The following ZNF469 variants were observed in gnomAD, a reference collection of about 807,000 sequenced individuals.
ZNF469 encodes zinc finger protein 469.
A neutral mutation model predicts 1.0 loss-of-function variants in ZNF469; 1 was observed. The observed-to-expected ratio is 1.00, with a 90% CI of 0.35 to 4.73. The LOEUF is 4.73. ZNF469 is among the 30% of genes most tolerant of loss of function. The pLI is 0.16. For synonymous variants in ZNF469, 2,703 were observed against 2,363.4 expected, an observed-to-expected ratio of 1.14 and a Z score of -4.17; for missense variants, 6,100 against 5,356.3, an observed-to-expected ratio of 1.14 and a Z score of -4.33.
At chr16:88,420,762 G>A (rs572887968) in intron 1 of ZNF469, among the ~76,000 whole-genome samples, 18 of 152,178 alleles carry the variant, frequency 1.2e-4, no homozygotes, top group Non-Finnish European at 2.5e-4. Flanking sequence ...TTAACCCTCT[G>A]ACCACACCCT....
intron 1 of ZNF469, among the ~76,000 whole-genome samples, chr16:88,411,936 A>T (rs1361368103): frequency 1.8e-3 from 1 of 558 alleles, no homozygotes; most frequent in East Asian, 0.12. Context: ...AAGAGACGAA[A>T]CCCTGATGTT....
the ZNF469 span, among the ~76,000 whole-genome samples, chr16:88,139,520 T>C: frequency 1.6e-5 from 2 of 123,862 alleles, no homozygotes; most frequent in African/African-American, 6.1e-5. Flanking sequence ...TTTTTGCCCC[T>C]TGGCCTGGGG....
chr16:88,303,585 G>T, the ZNF469 span, among the ~76,000 whole-genome samples: 1 of 152,240 alleles, frequency 6.6e-6, no homozygotes, highest in Non-Finnish European at 1.5e-5. Flanking sequence ...CCGCAGAGTT[G>T]GAGAAGCCCT....
chr16:88,145,424 G>C, the ZNF469 span, among the ~76,000 whole-genome samples: 5 of 152,162 alleles, frequency 3.3e-5, 1 homozygote, highest in Admixed American at 3.3e-4. Flanking sequence ...TCAAACTCAC[G>C]CATTGGAATC....
At chr16:88,313,102 C>T in the ZNF469 span, among the ~76,000 whole-genome samples, 1 of 152,184 alleles carries the variant, frequency 6.6e-6, no homozygotes, top group Admixed American at 6.5e-5. Context: ...TCCCTTGATT[C>T]GGGCATTTTG....
the ZNF469 span, among the ~76,000 whole-genome samples, chr16:88,267,642 C>G: frequency 6.6e-6 from 1 of 151,920 alleles, no homozygotes; most frequent in African/African-American, 2.4e-5. Flanking sequence ...CCACACAGGG[C>G]CCCCAGGTGT....
At chr16:88,196,678 C>G in the ZNF469 span, among the ~76,000 whole-genome samples, 3 of 152,362 alleles carry the variant, frequency 2.0e-5, no homozygotes, top group African/African-American at 7.2e-5. Context: ...GCCCCTTGCT[C>G]TGCCCAAATT....
the ZNF469 span, chr16:88,193,489 A>T: frequency 6.6e-6 from 1 of 152,230 alleles, no homozygotes; most frequent in Non-Finnish European, 1.5e-5. Flanking sequence ...ACTTTAGGCC[A>T]GGAGTTCGAG....
chr16:88,196,107 C>G, the ZNF469 span, among the ~76,000 whole-genome samples: 1 of 152,212 alleles, frequency 6.6e-6, no homozygotes, highest in South Asian at 2.1e-4. Flanking sequence ...GAGGCCAGCC[C>G]TCGCCTTTCT....
Position 88,429,845 on chromosome 16 carries a change from G to A in ZNF469, c.2375G>A (p.Ser792Asn). ...GCCGACGCACACGCGGGCTTGCTCA[G>A]CCACGCGAAGACCTTCCTGTTAGCT... ...VPADAHAGLLSHAKTFLLAGD... is the reference protein window; with the variant it reads ...VPADAHAGLLNHAKTFLLAGD... Residue 792 changes from serine (S) to asparagine (N), a missense_variant, in exon 3 of 3, where the codon AGC becomes AAC. Ser to Asn is a conservative substitution (Grantham distance 46). Transcript: ENST00000565624. The A allele has an allele frequency of 3.9e-6, 6 of 1,549,128 alleles. No homozygotes were observed. The highest frequency in any genetic ancestry group is 5.2e-6 in the Non-Finnish European group (6 of 1,146,270).
Position 88,413,126 on chromosome 16 carries a change from G to C in ZNF469, c.-191-11681G>C, listed in dbSNP as rs112543225. Among the ~76,000 whole-genome samples the C allele has an allele frequency of 5.7e-4, 87 of 152,290 alleles. 1 individual carries two copies. Among genetic ancestry groups the C allele is most frequent in the African/African-American group, 1.9e-3 (79 of 41,566 alleles). On this transcript the variant is annotated intron_variant, in intron 1 of 2. Coordinates refer to ENST00000565624, the MANE Select transcript of ZNF469 (RefSeq NM_001367624.2). ...ATTATCTCTGCCTTATCCAAGGCAC[G>C]GGGGCCATAGTCGTGCGTAAAGCTA...
At chr16:88,259,174 T>C in the ZNF469 span, among the ~76,000 whole-genome samples, 1 of 152,206 alleles carries the variant, frequency 6.6e-6, no homozygotes, top group South Asian at 2.1e-4. The surrounding 1 kb of genome is among the most constrained non-coding windows in gnomAD (Gnocchi z 4.1). Flanking sequence ...AATGAGGCCG[T>C]GCGGCCAGGC....
At chr16:88,373,097 G>A in the ZNF469 span, among the ~76,000 whole-genome samples, 51 of 152,344 alleles carry the variant, frequency 3.3e-4, no homozygotes, top group African/African-American at 1.1e-3. Context: ...TTAAGTACTT[G>A]ACATTGTTTT....
chr16:88,393,512 A>G (rs956847813), intron 1 of ZNF469, among the ~76,000 whole-genome samples: 19 of 152,216 alleles, frequency 1.2e-4, no homozygotes, highest in Non-Finnish European at 2.2e-4. Flanking sequence ...CTGGGACCCA[A>G]AGCCCTGCTG....
chr16:88,230,575 CTGTGGG>C, the ZNF469 span, among the ~76,000 whole-genome samples: 5 of 128,758 alleles, frequency 3.9e-5, no homozygotes, highest in African/African-American at 1.3e-4. Flanking sequence ...GCAGGTGTCG[CTGTGGG>C]TAACTGGGCT....
At chr16:88,193,018 GTGGTGGTGA>G in the ZNF469 span, among the ~76,000 whole-genome samples, 26 of 139,614 alleles carry the variant, frequency 1.9e-4, 1 homozygote, top group South Asian at 9.2e-4. Context: ...GGTGATGGTG[GTGGTGGTGA>G]TGGTGGTGAT....
chr16:88,115,136 C>G, the ZNF469 span, among the ~76,000 whole-genome samples: 1 of 152,180 alleles, frequency 6.6e-6, no homozygotes, highest in African/African-American at 2.4e-5. Context: ...GTGCCGGGCT[C>G]TGCGCATTCA....
the ZNF469 span, among the ~76,000 whole-genome samples, chr16:88,304,372 G>T: frequency 2.0e-5 from 3 of 152,212 alleles, no homozygotes; most frequent in Non-Finnish European, 4.4e-5. Flanking sequence ...CAGTACAACA[G>T]CCTGGAACTG....
chr16:88,133,628 ATT>A, the ZNF469 span, among the ~76,000 whole-genome samples: 1 of 151,764 alleles, frequency 6.6e-6, no homozygotes, highest in African/African-American at 2.4e-5. Context: ...AAATCAATAG[ATT>A]AATAAAATAA....
Sources: gnomAD v4.1 joint callset for allele counts (sites outside exome capture counted in the v4.1 genomes callset) on GRCh38, gnomAD v4.1.1 for gene constraint, Gnocchi (gnomAD v3.1) non-coding constraint, MANE v1.5 for transcripts, NCBI Gene and HGNC (gene_info 2026-07-23, HGNC 2026-07-21) for gene names.